Variants in SLC22A23 observed in about 807,000 individuals in gnomAD.
SLC22A23 encodes ion transporter protein.
Under a neutral mutation model 61.0 loss-of-function variants are expected in SLC22A23, and 26 were observed. The observed-to-expected ratio is 0.43, with a 90% CI of 0.31 to 0.59. The LOEUF (loss-of-function observed/expected upper bound fraction) is 0.59, where lower values mean the gene tolerates loss of function less well. SLC22A23 is among the 20% of genes least tolerant of loss of function. The pLI is 0.11. For synonymous variants in SLC22A23, 430 were observed against 413.9 expected (o/e 1.04, Z -0.47); for missense variants, 796 against 934.7 (o/e 0.85, Z 1.94).
At chr6:3,378,076 C>G (rs1205691294) in intron 3 of SLC22A23, 1 of 152,240 alleles carries the variant, frequency 6.6e-6, no homozygotes, top group African/African-American at 2.4e-5. Flanking sequence ...GAAACCACCA[C>G]GACGCCACAT....
rs561681689 is a variant in SLC22A23 at position 3,290,079 on chromosome 6, G to A, written c.1211-213C>T. The A allele has an allele frequency of 2.0e-5, 12 of 587,022 alleles. No individual in the cohort carries two copies. The East Asian group carries it at 2.3e-4, about 11-fold the overall frequency. The allele number at this position is 587,022 out of a possible 1,614,324, so 36.4% of individuals were successfully genotyped here. On this transcript the variant is annotated intron_variant, in intron 5 of 9. Coordinates refer to ENST00000406686, the MANE Select transcript of SLC22A23 (RefSeq NM_015482.2). ...CAGCTTTGCAGTTCAGGTTTCGCTC[G>A]GGTGCCTGAGAGGGCACCAAGGTGC...
chr6:3,364,114 G>A (rs1330033264), intron 3 of SLC22A23, among the ~76,000 whole-genome samples: 2 of 152,200 alleles, frequency 1.3e-5, no homozygotes, highest in African/African-American at 4.8e-5. Flanking sequence ...GAACCTCTTT[G>A]GGATGAGTCA....
chr6:3,292,522 C>T (rs1322600831), intron 5 of SLC22A23, among the ~76,000 whole-genome samples: 2 of 152,212 alleles, frequency 1.3e-5, no homozygotes, highest in East Asian at 3.9e-4. Context: ...ACACATCAGC[C>T]TGCTTGACTT....
chr6:3,289,864 G>C lies in SLC22A23; in HGVS notation c.1213C>G (p.Leu405Val). Residue 405 changes from leucine to valine, a missense_variant and splice_region_variant, in exon 6 of 10, where the codon CTG (leucine) becomes GTG (valine). Physicochemically the swap from Leu to Val is conservative, Grantham distance 32 (BLOSUM62 1). Transcript: ENST00000406686. The stretch of plus-strand genomic sequence containing the variant: ...GGCCTCCGGGAAAGCTCTTTCTCCA[G>C]CTCTGCAAAGAAACAGACCCTGTGA... ...EGDIKGVIPE[L>V]EKELSRRPKK... 1.9e-6 allele frequency: 3 copies of C among 1,613,640 alleles called. No homozygotes were observed. The highest frequency in any genetic ancestry group is 2.5e-6 in the Non-Finnish European group (3 of 1,179,898).
Position 3,272,993 on chromosome 6 carries a change from T to C in SLC22A23, c.*62A>G. ...CACCCCTGGCTGCGTGTTCGGTCCC[T>C]GGTCTGTAAACCTGTGCCCAAGCTG... On this transcript the variant is annotated 3_prime_UTR_variant, in exon 10 of 10. Transcript: ENST00000406686. 1 of 1,428,102 alleles carries C rather than the reference T, an allele frequency of 7.0e-7. No homozygotes were observed. Among genetic ancestry groups the C allele is most frequent in the Non-Finnish European group, 9.3e-7 (1 of 1,070,294 alleles). The allele number at this position is 1,428,102 out of a possible 1,614,324, so 88.5% of individuals were successfully genotyped here. A position where few individuals can be genotyped will look rare whatever the true frequency, so the allele number is the denominator to read the frequency against.
chr6:3,431,078 A>G (rs1450421790), intron 1 of SLC22A23, among the ~76,000 whole-genome samples: 2 of 151,530 alleles, frequency 1.3e-5, no homozygotes, highest in Admixed American at 6.6e-5. Flanking sequence ...AAAAAAAAAA[A>G]AAAAAAAGAA....
intron 3 of SLC22A23, among the ~76,000 whole-genome samples, chr6:3,370,589 G>A (rs1766153076): frequency 6.6e-6 from 1 of 152,262 alleles, no homozygotes; most frequent in South Asian, 2.1e-4. Context: ...GGAGCTCCTG[G>A]CTCCCCTCAG....
At chr6:3,455,183 G>C (rs150200722) in intron 1 of SLC22A23, among the ~76,000 whole-genome samples, 105 of 152,320 alleles carry the variant, frequency 6.9e-4, no homozygotes, top group African/African-American at 2.3e-3. Flanking sequence ...TTAGCTACAG[G>C]ACTCAGAGGA....
rs1767347240 is a variant in SLC22A23, at chr6:3,386,885, A to AC, written c.913+23302dup. 6.6e-6 allele frequency among the ~76,000 whole-genome samples: 1 copy of AC among 152,212 alleles called. No homozygotes were observed. The highest frequency in any genetic ancestry group is 6.5e-5 in the Admixed American group (1 of 15,292). Reference sequence around the variant, plus strand: ...GCCGGCACCCCAGGGCGGGGCAGGCACCCCAGGGTGCAGCAGGCCTTTCTC... The same window carrying AC: ...GCCGGCACCCCAGGGCGGGGCAGGCACCCCCAGGGTGCAGCAGGCCTTTCTC... On this transcript the variant is annotated intron_variant, in intron 3 of 9. Coordinates refer to ENST00000406686, the MANE Select transcript of SLC22A23 (RefSeq NM_015482.2). The surrounding 1 kb of genome is among the most constrained non-coding windows in gnomAD (Gnocchi z 4.4).
At chr6:3,350,409 T>C (rs1764695802) in intron 3 of SLC22A23, among the ~76,000 whole-genome samples, 1 of 152,242 alleles carries the variant, frequency 6.6e-6, no homozygotes, top group African/African-American at 2.4e-5. Context: ...AACCAAAAGA[T>C]GAATAATATC....
intron 4 of SLC22A23, among the ~76,000 whole-genome samples, chr6:3,320,197 C>G (rs376412210): frequency 6.6e-6 from 1 of 152,186 alleles, no homozygotes; most frequent in Non-Finnish European, 1.5e-5. Flanking sequence ...GGTTTGACAC[C>G]TGGGAACTTC....
intron 3 of SLC22A23, among the ~76,000 whole-genome samples, chr6:3,348,234 G>T (rs1764557843): frequency 6.6e-6 from 1 of 152,226 alleles, no homozygotes; most frequent in Non-Finnish European, 1.5e-5. Context: ...AGGATGTGGG[G>T]ATGTGGGGAA....
intron 3 of SLC22A23, among the ~76,000 whole-genome samples, chr6:3,325,165 C>T (rs1022159263): frequency 1.3e-5 from 2 of 152,164 alleles, no homozygotes; most frequent in African/African-American, 4.8e-5. Context: ...GGAGAGAACA[C>T]TTTTTATGCC....
intron 4 of SLC22A23, among the ~76,000 whole-genome samples, chr6:3,321,225 TAC>T (rs1261435026): frequency 2.0e-5 from 3 of 152,228 alleles, no homozygotes; most frequent in Admixed American, 6.5e-5. Context: ...ACCCACTTTT[TAC>T]AGACATGAGA....
intron 3 of SLC22A23, among the ~76,000 whole-genome samples, chr6:3,325,856 C>T (rs1763249265): frequency 6.6e-6 from 1 of 152,330 alleles, no homozygotes; most frequent in Non-Finnish European, 1.5e-5. Context: ...ATCCAGGTAA[C>T]CTTTAAACAA....
intron 4 of SLC22A23, among the ~76,000 whole-genome samples, chr6:3,310,335 AC>A: frequency 1.4e-5 from 1 of 73,308 alleles, no homozygotes; most frequent in Admixed American, 1.1e-4. Context: ...CCACTCGAGC[AC>A]CCTGTCTCCC....
rs888403417 is a variant in SLC22A23, at chr6:3,372,320, A to T, written c.913+37868T>A. ...ATGAATGCAGTAACAGGTAACAGGGATTTGAAAATGTGGAATAAAAGTGGC... is the reference window on the plus strand; with the variant it reads ...ATGAATGCAGTAACAGGTAACAGGGTTTTGAAAATGTGGAATAAAAGTGGC... On this transcript the variant is annotated intron_variant, in intron 3 of 9. Coordinates refer to ENST00000406686, the MANE Select transcript of SLC22A23 (RefSeq NM_015482.2). The surrounding 1 kb of genome is among the most constrained non-coding windows in gnomAD (Gnocchi z 4.7). 1.3e-4 allele frequency among the ~76,000 whole-genome samples: 20 copies of T among 152,188 alleles called. No individual in the cohort carries two copies. The highest frequency in any genetic ancestry group is 4.8e-4 in the African/African-American group (20 of 41,438).
intron 4 of SLC22A23, chr6:3,323,278 C>G (rs1286764626): frequency 2.2e-6 from 1 of 456,552 alleles, no homozygotes. Flanking sequence ...GCTGCATCCA[C>G]TCAACTCTGT....
chr6:3,410,358 G>A lies in SLC22A23; in HGVS notation c.759-16C>T, dbSNP rs1769135160. On this transcript the variant is annotated splice_polypyrimidine_tract_variant and intron_variant, in intron 2 of 9. Transcript: ENST00000406686. This position sits in a 1 kb window ranked among gnomAD's most constrained non-coding sequence, Gnocchi z 5.0. ...CCGGCCGACCCTGCATATGGAGAGG[G>A]AAAAAGTTAGGAATCATTGTGAAAC... 6.4e-7 allele frequency: 1 copy of A among 1,568,238 alleles called. No individual in the cohort carries two copies. The highest frequency in any genetic ancestry group is 8.6e-7 in the Non-Finnish European group (1 of 1,158,508).
Sources: allele counts gnomAD v4.1 joint callset (sites outside exome capture counted in the v4.1 genomes callset), GRCh38; gene constraint gnomAD v4.1.1; non-coding constraint Gnocchi (gnomAD v3.1); transcripts MANE v1.5; gene names NCBI Gene and HGNC (gene_info 2026-07-23, HGNC 2026-07-21).